The following RNPC3 variants were observed in gnomAD, a reference collection of about 807,000 sequenced individuals.
RNPC3 encodes the protein RNA binding region (RNP1, RRM) containing 3, also known as RNA-binding region-containing protein 3.
In RNPC3, 48 loss-of-function variants were observed where a neutral mutation model predicts 67.5. That is an observed-to-expected ratio of 0.71 (90% confidence interval 0.56 to 0.90). The LOEUF (loss-of-function observed/expected upper bound fraction) is 0.90, where lower values mean the gene tolerates loss of function less well. Among genes scored for constraint, RNPC3 ranks in the 40% least tolerant of loss-of-function variants. The probability of loss-of-function intolerance (pLI) is 0.00; values close to 1 mark genes in which losing one functional copy is unlikely to be tolerated. For synonymous variants in RNPC3, 239 were observed against 210.3 expected, an observed-to-expected ratio of 1.14 and a Z score of -1.18; for missense variants, 637 against 626.1, an observed-to-expected ratio of 1.02 and a Z score of -0.19.
rs756228226 is a variant in RNPC3, at chr1:103,536,178, C to T, written c.608C>T (p.Thr203Ile). Residue 203 changes from threonine (T) to isoleucine (I), a missense_variant, in exon 6 of 15, where the codon ACT becomes ATT. Thr to Ile is a moderately conservative substitution (Grantham distance 89). Around this residue, in one of 3 missense-constraint regions of RNPC3, gnomAD observed 536 missense variants for 500.3 expected, o/e 1.07. Coordinates refer to ENST00000423855, the MANE Select transcript of RNPC3 (RefSeq NM_017619.4). ...TTGCCCACACCTTTTGGACCAATTA[C>T]TGCGCGACCTCCCATGGTAAGAAAA... ...MNLPTPFGPI[T>I]ARPPMYEDYM... is the part of the protein sequence containing the mutation. 4 of 1,535,798 alleles carry T rather than the reference C, an allele frequency of 2.6e-6. No individual in the cohort carries two copies. The South Asian group carries it at 4.8e-5, about 18-fold the overall frequency.
intron 2 of RNPC3, among the ~76,000 whole-genome samples, chr1:103,528,476 T>C (rs1339252456): frequency 6.6e-6 from 1 of 152,148 alleles, no homozygotes; most frequent in Non-Finnish European, 1.5e-5. Flanking sequence ...GAAGTAAATA[T>C]ATATTCAATA....
chr1:103,531,668 C>T (rs1340280660), intron 2 of RNPC3, among the ~76,000 whole-genome samples: 2 of 151,922 alleles, frequency 1.3e-5, no homozygotes, highest in African/African-American at 4.8e-5. Flanking sequence ...TATTCATGTC[C>T]TTAGCCCATG....
At chr1:103,546,774 A>G (rs1651253415) in intron 11 of RNPC3, 3 of 433,564 alleles carry the variant, frequency 6.9e-6, no homozygotes, top group African/African-American at 6.2e-5. Context: ...AAGCATCACC[A>G]CAATTTCTGC....
chr1:103,533,831 C>T lies in RNPC3; in HGVS notation c.333C>T (p.Pro111=), dbSNP rs1260123839. The change falls in exon 3 of 15, where the codon CCC becomes CCT. Residue 111 remains proline, a synonymous_variant. Transcript: ENST00000423855. The stretch of plus-strand genomic sequence containing the variant: ...AAGATCGAGTTCACTCCCCATGTCC[C>T]ACTTCAGGCTCTGAAAAAAAAAAAA... ...KEQDRVHSPC[P]TSGSEKKKRS... 3.3e-6 allele frequency: 5 copies of T among 1,518,556 alleles called. No homozygotes were observed. The Admixed American group carries it at 6.0e-5, about 18-fold the overall frequency. The allele number at this position is 1,518,556 out of a possible 1,614,324, so 94.1% of individuals were successfully genotyped here. A position where few individuals can be genotyped will look rare whatever the true frequency, so the allele number is the denominator to read the frequency against.
intron 12 of RNPC3, among the ~76,000 whole-genome samples, chr1:103,548,098 C>A (rs1376899104): frequency 1.3e-5 from 2 of 152,118 alleles, no homozygotes; most frequent in African/African-American, 2.4e-5. Context: ...ACCCTGGGCC[C>A]GGCCCACAAA....
intron 3 of RNPC3, among the ~76,000 whole-genome samples, chr1:103,534,331 C>G (rs900150291): frequency 6.6e-6 from 1 of 151,900 alleles, no homozygotes; most frequent in Non-Finnish European, 1.5e-5. Context: ...TTAACCCAGT[C>G]TTACTGAATC....
intron 3 of RNPC3, 103 bp from the exon 4 acceptor site, chr1:103,534,671 G>A: frequency 3.4e-6 from 2 of 596,076 alleles, no homozygotes; most frequent in South Asian, 2.2e-5. Flanking sequence ...TTTTAATGAA[G>A]CTGTTTTTAT....
chr1:103,546,394 T>C (rs1042450315), intron 11 of RNPC3, 52 bp downstream of exon 11: 9 of 936,710 alleles, frequency 9.6e-6, no homozygotes, highest in Admixed American at 3.2e-5. Context: ...TTGAAGGTTT[T>C]ATAGTTGATG....
chr1:103,541,429 A>T lies in RNPC3; in HGVS notation c.847A>T (p.Arg283Ter). Residue 283 changes from arginine (R) to a stop codon, truncating the protein, a stop_gained, in exon 8 of 15, where the codon AGA (arginine) becomes TGA (stop). Coordinates refer to ENST00000423855, the MANE Select transcript of RNPC3 (RefSeq NM_017619.4). LOFTEE classifies it high-confidence loss of function. Reference sequence around the variant, plus strand: ...AAAGCAGCGCCATGTGAGAAAAAAGAGAAAAATAAAGGATATGTTGAATAC... The same window carrying T: ...AAAGCAGCGCCATGTGAGAAAAAAGTGAAAAATAAAGGATATGTTGAATAC... ...TIKQRHVRKK[R>*]KIKDMLNTPL... is the part of the protein sequence containing the mutation. The T allele has an allele frequency of 6.7e-7, 1 of 1,493,608 alleles. No individual in the cohort carries two copies. The highest frequency in any genetic ancestry group is 8.8e-7 in the Non-Finnish European group (1 of 1,132,964). 92.5% of individuals were successfully genotyped at this position (1,493,608 alleles called of 1,614,324 possible).
chr1:103,546,479 T>G (rs1651246943), intron 11 of RNPC3, 137 bp downstream of exon 11: 2 of 448,072 alleles, frequency 4.5e-6, no homozygotes, highest in Non-Finnish European at 7.8e-6. Context: ...AAATTATTGT[T>G]TAGTATTTTC....
At chr1:103,528,522 G>T (rs750161684) in intron 2 of RNPC3, among the ~76,000 whole-genome samples, 1 of 152,134 alleles carries the variant, frequency 6.6e-6, no homozygotes, top group Non-Finnish European at 1.5e-5. Context: ...TATAGGGGTT[G>T]AGAGAGAATA....
chr1:103,547,165 C>A, intron 12 of RNPC3, 130 bp downstream of exon 12: 1 of 529,656 alleles, frequency 1.9e-6, no homozygotes, highest in Non-Finnish European at 3.2e-6. Context: ...TATTCTGTTG[C>A]ACAATTAATC....
At position 103,555,148 on chromosome 1, in the gene RNPC3, C is replaced by G. The variant is rs1651508334; in HGVS notation, c.*127C>G. ...TTGAAAGTGTATTTAAAAATTAAATCTATATGCCTTTAAATCAGTGAATTG... is the reference window on the plus strand; with the variant it reads ...TTGAAAGTGTATTTAAAAATTAAATGTATATGCCTTTAAATCAGTGAATTG... On this transcript the variant is annotated 3_prime_UTR_variant, in exon 15 of 15. Coordinates refer to ENST00000423855, the MANE Select transcript of RNPC3 (RefSeq NM_017619.4). The G allele has an allele frequency of 6.6e-6, 1 of 151,938 alleles. No homozygotes were observed. Among genetic ancestry groups the G allele is most frequent in the Admixed American group, 6.5e-5 (1 of 15,270 alleles). The allele number at this position is 151,938 out of a possible 1,614,324, so 9.4% of individuals were successfully genotyped here.
chr1:103,541,828 T>G (rs1651130973), intron 8 of RNPC3, among the ~76,000 whole-genome samples: 1 of 152,088 alleles, frequency 6.6e-6, no homozygotes, highest in African/African-American at 2.4e-5. Context: ...CTGTCACTAG[T>G]GTAATATATT....
intron 1 of RNPC3, among the ~76,000 whole-genome samples, chr1:103,527,450 C>A (rs998380406): frequency 7.9e-5 from 12 of 152,142 alleles, no homozygotes; most frequent in Non-Finnish European, 1.3e-4. Context: ...GTCTTTTGAA[C>A]TATTTGCATG....
At position 103,526,083 on chromosome 1, in the gene RNPC3, G is replaced by A; in HGVS notation, c.13G>A (p.Glu5Lys). ...TTCTCCAAGGAAAATGGCAGCTCCC[G>A]AGCAGCCGCTTGCGATATCAAGGGG... MAAPEQPLAISRGCT... is the reference protein window; with the variant it reads MAAPKQPLAISRGCT... The change falls in exon 1 of 15, where the codon GAG (glutamate) becomes AAG (lysine). Residue 5 changes from glutamate to lysine, a missense_variant. Physicochemically the swap from Glu to Lys is moderately conservative, Grantham distance 56 (BLOSUM62 1). Coordinates refer to ENST00000423855, the MANE Select transcript of RNPC3 (RefSeq NM_017619.4). 1.3e-6 allele frequency: 2 copies of A among 1,536,422 alleles called. No homozygotes were observed. The highest frequency in any genetic ancestry group is 1.4e-5 in the African/African-American group (1 of 72,664).
intron 2 of RNPC3, among the ~76,000 whole-genome samples, chr1:103,531,360 T>C (rs973462577): frequency 1.3e-5 from 2 of 152,216 alleles, no homozygotes; most frequent in African/African-American, 4.8e-5. Flanking sequence ...TCTGGGTAGA[T>C]ACTCAGTAGT....
chr1:103,529,226 A>G (rs536172099), intron 2 of RNPC3, among the ~76,000 whole-genome samples: 1 of 152,352 alleles, frequency 6.6e-6, no homozygotes, highest in Non-Finnish European at 1.5e-5. Flanking sequence ...CTTTCATATT[A>G]TATTAATATG....
intron 2 of RNPC3, among the ~76,000 whole-genome samples, chr1:103,529,128 CAT>C (rs957400242): frequency 2.0e-5 from 3 of 152,092 alleles, no homozygotes; most frequent in Non-Finnish European, 4.4e-5. Flanking sequence ...TAATAGTATA[CAT>C]GTTAGCATAT....
Sources: gnomAD v4.1 joint callset for allele counts (sites outside exome capture counted in the v4.1 genomes callset) on GRCh38, gnomAD v4.1.1 for gene constraint, gnomAD v4.1.1 regional missense constraint, MANE v1.5 for transcripts, NCBI Gene and HGNC (gene_info 2026-07-23, HGNC 2026-07-21) for gene names.